The following KATNIP variants were observed in gnomAD, a reference collection of about 807,000 sequenced individuals.
KATNIP encodes the protein katanin-interacting protein.
KATNIP carries 126 observed loss-of-function variants against 174.0 expected under a neutral mutation model. That is an observed-to-expected ratio of 0.72 (90% CI 0.63 to 0.84). KATNIP has a LOEUF of 0.84. KATNIP is among the 40% of genes least tolerant of loss of function. KATNIP has a pLI of 0.00. For synonymous variants in KATNIP, 810 were observed against 835.7 expected (o/e 0.97, Z 0.53); for missense variants, 1,958 against 2,109.7 (o/e 0.93, Z 1.41).
intron 1 of KATNIP, among the ~76,000 whole-genome samples, chr16:27,564,153 T>C (rs892909078): frequency 1.3e-5 from 2 of 152,148 alleles, no homozygotes; most frequent in African/African-American, 4.8e-5. Flanking sequence ...CCAGATCTAT[T>C]TGGAAGCCCA....
At chr16:27,692,450 G>C (rs1481233391) in intron 8 of KATNIP, among the ~76,000 whole-genome samples, 2 of 152,074 alleles carry the variant, frequency 1.3e-5, no homozygotes, top group Non-Finnish European at 2.9e-5. Context: ...AACAAGATGG[G>C]TATGACCTCA....
intron 10 of KATNIP, among the ~76,000 whole-genome samples, chr16:27,700,810 C>T (rs2079069775): frequency 6.6e-6 from 1 of 152,186 alleles, no homozygotes; most frequent in Non-Finnish European, 1.5e-5. Flanking sequence ...TGTGACACCC[C>T]AGAGCACTGG....
At chr16:27,576,228 C>G (rs1232857734) in intron 2 of KATNIP, among the ~76,000 whole-genome samples, 1 of 152,196 alleles carries the variant, frequency 6.6e-6, no homozygotes, top group Non-Finnish European at 1.5e-5. Context: ...CTAATTGCTG[C>G]TTTCCCAGCC....
chr16:27,767,220 C>T (rs1026253825), intron 20 of KATNIP, among the ~76,000 whole-genome samples: 1 of 152,134 alleles, frequency 6.6e-6, no homozygotes, highest in Non-Finnish European at 1.5e-5. Context: ...TGGACCCAAC[C>T]AGCTGCGTAA....
chr16:27,610,197 G>A (rs972327415), intron 2 of KATNIP, among the ~76,000 whole-genome samples: 1 of 152,136 alleles, frequency 6.6e-6, no homozygotes, highest in African/African-American at 2.4e-5. Context: ...CCCCCCAGGT[G>A]GCAGCAGGGA....
At position 27,696,669 on chromosome 16, in the gene KATNIP, C is replaced by G. The variant is rs536344974; in HGVS notation, c.941-1659C>G. Among the ~76,000 whole-genome samples the G allele has an allele frequency of 2.6e-5, 4 of 151,956 alleles. No individual in the cohort carries two copies. The East Asian group carries it at 7.7e-4, about 29-fold the overall frequency. Reference sequence around the variant, plus strand: ...CATGTTGCTGCAGAGAACACGATCTCATTCTTTTTTATGGCTGTATAGTAT... The same window carrying G: ...CATGTTGCTGCAGAGAACACGATCTGATTCTTTTTTATGGCTGTATAGTAT... On this transcript the variant is annotated intron_variant, in intron 8 of 27. Coordinates refer to ENST00000261588, the MANE Select transcript of KATNIP (RefSeq NM_015202.5).
chr16:27,564,252 T>C (rs1281640830), intron 1 of KATNIP, among the ~76,000 whole-genome samples: 1 of 152,136 alleles, frequency 6.6e-6, no homozygotes, highest in Non-Finnish European at 1.5e-5. Context: ...CAGGGCACTG[T>C]TCTGAGAGTT....
At chr16:27,761,274 G>A (rs1198301042) in intron 18 of KATNIP, 139 bp from the exon 19 acceptor site, 1 of 819,320 alleles carries the variant, frequency 1.2e-6, no homozygotes, top group South Asian at 1.8e-5. Flanking sequence ...AAGCCACAGA[G>A]CCCACCTGCA....
At chr16:27,629,959 G>A (rs990157106) in intron 4 of KATNIP, among the ~76,000 whole-genome samples, 3 of 152,194 alleles carry the variant, frequency 2.0e-5, no homozygotes, top group Admixed American at 6.5e-5. Context: ...GTTGCAATGA[G>A]CTATGACTAT....
chr16:27,701,404 C>T, intron 10 of KATNIP, 185 bp from the exon 11 acceptor site: 1 of 531,488 alleles, frequency 1.9e-6, no homozygotes, highest in Non-Finnish European at 3.5e-6. Flanking sequence ...TCCTCGGAAG[C>T]TGAGATGGTG....
At chr16:27,659,518 A>G (rs2077401887) in intron 6 of KATNIP, among the ~76,000 whole-genome samples, 2 of 152,100 alleles carry the variant, frequency 1.3e-5, no homozygotes, top group African/African-American at 4.8e-5. Context: ...TATACAAAAA[A>G]AAAAAAAAGT....
chr16:27,737,764 C>G (rs1230260494), intron 14 of KATNIP, among the ~76,000 whole-genome samples: 2 of 152,168 alleles, frequency 1.3e-5, no homozygotes, highest in African/African-American at 4.8e-5. Context: ...CACCCACCCA[C>G]TCCTAGGAGA....
chr16:27,599,474 C>T (rs559115438), intron 2 of KATNIP, among the ~76,000 whole-genome samples: 36 of 152,178 alleles, frequency 2.4e-4, no homozygotes, highest in Non-Finnish European at 4.7e-4. Flanking sequence ...CAGACCTGCT[C>T]TCCCTCCAGC....
rs989211721 is a variant in KATNIP at position 27,604,383 on chromosome 16, A to G, written c.64-14042A>G. Among the ~76,000 whole-genome samples, 3 of 152,118 alleles carry G rather than the reference A, an allele frequency of 2.0e-5. No homozygotes were observed. The South Asian group carries it at 6.2e-4, about 32-fold the overall frequency. ...GAAGTAGCTTGGACCACAGGCACACACCACCACGCCCAGCTACTTTAAAAA... is the reference window on the plus strand; with the variant it reads ...GAAGTAGCTTGGACCACAGGCACACGCCACCACGCCCAGCTACTTTAAAAA... On this transcript the variant is annotated intron_variant, in intron 2 of 27. Coordinates refer to ENST00000261588, the MANE Select transcript of KATNIP (RefSeq NM_015202.5).
intron 6 of KATNIP, among the ~76,000 whole-genome samples, chr16:27,662,852 T>A (rs1044551923): frequency 6.6e-6 from 1 of 152,180 alleles, no homozygotes; most frequent in Non-Finnish European, 1.5e-5. Context: ...CATGGGTGCC[T>A]TCTCATTTAA....
At chr16:27,623,249 G>C (rs1450591903) in intron 3 of KATNIP, among the ~76,000 whole-genome samples, 1 of 152,196 alleles carries the variant, frequency 6.6e-6, no homozygotes, top group African/African-American at 2.4e-5. Context: ...AGCCCCACGG[G>C]CCAGAACTCA....
At chr16:27,630,933 G>A (rs1191749024) in intron 4 of KATNIP, 132 bp from the exon 5 acceptor site, 16 of 668,336 alleles carry the variant, frequency 2.4e-5, no homozygotes, top group Non-Finnish European at 4.2e-5. Context: ...CAACCACGCT[G>A]TAGTCAATGT....
At chr16:27,732,290 C>G (rs971669828) in intron 14 of KATNIP, among the ~76,000 whole-genome samples, 7 of 152,156 alleles carry the variant, frequency 4.6e-5, no homozygotes, top group Admixed American at 3.3e-4. Flanking sequence ...GTCTTACCAT[C>G]TTCTTCTGTC....
intron 15 of KATNIP, among the ~76,000 whole-genome samples, chr16:27,744,584 TA>T (rs2081218304): frequency 8.6e-6 from 1 of 116,032 alleles, no homozygotes; most frequent in South Asian, 2.7e-4. Flanking sequence ...ACCCTGTCTC[TA>T]AAAAAATGAA....
Sources: allele counts gnomAD v4.1 joint callset (sites outside exome capture counted in the v4.1 genomes callset), GRCh38; gene constraint gnomAD v4.1.1; transcripts MANE v1.5; gene names NCBI Gene and HGNC (gene_info 2026-07-23, HGNC 2026-07-21).